The following PLAC1 variants were observed in gnomAD, a reference collection of about 807,000 sequenced individuals.
PLAC1 encodes the protein placenta associated 1.
For synonymous variants in PLAC1, 68 were observed against 62.1 expected (o/e 1.09, Z -0.44); for missense variants, 136 against 163.2 (o/e 0.83, Z 0.91).
intron 2 of PLAC1, among the ~76,000 whole-genome samples, chrX:134,582,561 G>C (rs748198111): frequency 1.8e-5 from 2 of 111,940 alleles, no homozygotes; most frequent in African/African-American, 6.5e-5. Context: ...AGGGCTTATG[G>C]TTTTGCTGAC....
chrX:134,617,602 C>T (rs1406025695), intron 1 of PLAC1, among the ~76,000 whole-genome samples: 1 of 111,663 alleles, frequency 9.0e-6, no homozygotes, highest in East Asian at 2.8e-4. Flanking sequence ...GGTTTTTAGC[C>T]TCATTTTGTT....
At chrX:134,662,656 G>A (rs764788142), upstream of PLAC1, among the ~76,000 whole-genome samples, 150 of 112,497 alleles carry the variant, frequency 1.3e-3, no homozygotes, top group African/African-American at 4.6e-3. Flanking sequence ...TTAGCCAGGC[G>A]CAGTGGCTCA....
chrX:134,584,356 C>A (rs1043898893), intron 2 of PLAC1, among the ~76,000 whole-genome samples: 1 of 111,777 alleles, frequency 8.9e-6, no homozygotes, highest in Non-Finnish European at 1.9e-5. Context: ...TTCTGAGATT[C>A]CCTTCTTGTC....
intron 1 of PLAC1, among the ~76,000 whole-genome samples, chrX:134,612,043 C>T (rs147829861): frequency 0.025 from 2,817 of 112,349 alleles, 95 homozygotes; most frequent in African/African-American, 0.087. Flanking sequence ...ACTCTGCCTC[C>T]CTGGTAGATG....
chrX:134,654,636 A>G (rs753648488), intron 1 of PLAC1, among the ~76,000 whole-genome samples: 3 of 112,114 alleles, frequency 2.7e-5, no homozygotes, highest in African/African-American at 3.2e-5. Context: ...CCCAAGCCCA[A>G]TGGCTCACCT....
At chrX:134,586,433 A>G (rs2078000484) in intron 2 of PLAC1, among the ~76,000 whole-genome samples, 1 of 111,853 alleles carries the variant, frequency 8.9e-6, no homozygotes, top group Admixed American at 9.5e-5. Flanking sequence ...AGAGAGCAAC[A>G]TTCCACCCAG....
intron 2 of PLAC1, among the ~76,000 whole-genome samples, chrX:134,598,275 C>A (rs1414251309): frequency 8.9e-6 from 1 of 111,881 alleles, no homozygotes; most frequent in Admixed American, 9.5e-5. Flanking sequence ...GAACTATAGA[C>A]TAAAGTGTCC....
intron 1 of PLAC1, among the ~76,000 whole-genome samples, chrX:134,742,239 A>C (rs1219390674): frequency 8.8e-6 from 1 of 113,173 alleles, no homozygotes; most frequent in Non-Finnish European, 1.9e-5. Context: ...CTGCCCAGGC[A>C]CTGAGAGCAC....
chrX:134,609,801 T>C (rs1160156292), intron 1 of PLAC1, among the ~76,000 whole-genome samples: 3 of 111,074 alleles, frequency 2.7e-5, no homozygotes, highest in Non-Finnish European at 5.7e-5. Flanking sequence ...AGGGCACAAA[T>C]CCCAACACGG....
At chrX:134,575,946 A>T (rs1444330491) in intron 2 of PLAC1, among the ~76,000 whole-genome samples, 1 of 108,406 alleles carries the variant, frequency 9.2e-6, no homozygotes, top group East Asian at 2.8e-4. Flanking sequence ...AAGTCTTATC[A>T]TATCTAATAA....
At chrX:134,741,059 G>A (rs747768444) in intron 1 of PLAC1, among the ~76,000 whole-genome samples, 1 of 112,135 alleles carries the variant, frequency 8.9e-6, no homozygotes, top group South Asian at 3.7e-4. Context: ...TTGGTTACAC[G>A]GGTATGTTCA....
chrX:134,660,147 C>T (rs888714913), upstream of PLAC1, among the ~76,000 whole-genome samples: 24 of 109,211 alleles, frequency 2.2e-4, no homozygotes, highest in Non-Finnish European at 4.0e-4. Flanking sequence ...CTCTATCACC[C>T]AGGCTGGAGT....
At chrX:134,740,093 A>T (rs2078713170) in intron 1 of PLAC1, among the ~76,000 whole-genome samples, 1 of 111,633 alleles carries the variant, frequency 9.0e-6, no homozygotes, top group Non-Finnish European at 1.9e-5. Context: ...TGAGGCGGGC[A>T]GATCACCTGA....
intron 1 of PLAC1, among the ~76,000 whole-genome samples, chrX:134,615,408 C>T (rs2078174756): frequency 8.9e-6 from 1 of 111,966 alleles, no homozygotes; most frequent in African/African-American, 3.2e-5. Context: ...ATCCTTTGCC[C>T]ATTTTTAAAT....
chrX:134,612,089 G>A (rs1461946066), intron 1 of PLAC1, among the ~76,000 whole-genome samples: 1 of 112,308 alleles, frequency 8.9e-6, no homozygotes, highest in Non-Finnish European at 1.9e-5. Context: ...AGCCATTTTT[G>A]CTTCTTGTAC....
chrX:134,692,262 CT>C (rs756005019), intron 2 of PLAC1, among the ~76,000 whole-genome samples: 21 of 111,769 alleles, frequency 1.9e-4, no homozygotes, highest in Non-Finnish European at 2.8e-4. Context: ...AAAGACTGTC[CT>C]TTTCCCCCCT....
intron 1 of PLAC1, among the ~76,000 whole-genome samples, chrX:134,744,360 C>T (rs773789358): frequency 3.6e-5 from 4 of 110,839 alleles, no homozygotes; most frequent in African/African-American, 1.3e-4. Context: ...CTCTTCTCCC[C>T]GCTCCCTTCG....
upstream of PLAC1, among the ~76,000 whole-genome samples, chrX:134,662,089 T>TA (rs1283142278): frequency 9.0e-6 from 1 of 110,500 alleles, no homozygotes; most frequent in Non-Finnish European, 1.9e-5. Context: ...ACATAATTTT[T>TA]AAAAAATTAG....
intron 2 of PLAC1, among the ~76,000 whole-genome samples, chrX:134,589,940 A>G (rs2124373573): frequency 9.0e-6 from 1 of 111,271 alleles, no homozygotes; most frequent in African/African-American, 3.3e-5. Context: ...TCACGCCTGT[A>G]ATCCCAGCAC....
Sources: gnomAD v4.1 joint callset for allele counts (sites outside exome capture counted in the v4.1 genomes callset) on GRCh38, gnomAD v4.1.1 for gene constraint, MANE v1.5 for transcripts, NCBI Gene and HGNC (gene_info 2026-07-23, HGNC 2026-07-21) for gene names.